HPSE2: variants seen among roughly 807,000 people sequenced by gnomAD.
HPSE2 encodes inactive heparanase-2.
In HPSE2, 38 loss-of-function variants were observed where a neutral mutation model predicts 60.5. The observed-to-expected ratio is 0.63, with a 90% CI of 0.48 to 0.82. The LOEUF (loss-of-function observed/expected upper bound fraction) is 0.82, where lower values mean the gene tolerates loss of function less well. Among genes scored for constraint, HPSE2 ranks in the 40% least tolerant of loss-of-function variants. HPSE2 has a pLI of 0.00. For missense variants in HPSE2, 713 were observed against 740.4 expected (o/e 0.96, Z 0.43); for synonymous variants, 295 against 293.2 (o/e 1.01, Z -0.06).
intron 9 of HPSE2, among the ~76,000 whole-genome samples, chr10:98,554,163 A>G (rs554410524): frequency 1.3e-5 from 2 of 152,242 alleles, no homozygotes; most frequent in South Asian, 4.2e-4. Context: ...CCTGTCCTCC[A>G]AGCCTTACCT....
chr10:98,706,771 G>A (rs923840291), intron 5 of HPSE2, among the ~76,000 whole-genome samples: 2 of 152,124 alleles, frequency 1.3e-5, no homozygotes, highest in Non-Finnish European at 2.9e-5. Context: ...AACAAGTAAG[G>A]GAATGGCAGG....
At chr10:98,606,101 G>A (rs963917672) in intron 9 of HPSE2, among the ~76,000 whole-genome samples, 2 of 152,122 alleles carry the variant, frequency 1.3e-5, no homozygotes, top group Non-Finnish European at 2.9e-5. Flanking sequence ...CCTCCAGTGA[G>A]GACAGGGATC....
chr10:99,073,392 A>G (rs891554170), intron 3 of HPSE2, among the ~76,000 whole-genome samples: 8 of 152,010 alleles, frequency 5.3e-5, no homozygotes, highest in African/African-American at 1.5e-4. Flanking sequence ...ACCAAGCACC[A>G]CATGTTCTCA....
intron 3 of HPSE2, among the ~76,000 whole-genome samples, chr10:98,950,193 G>C (rs1228096907): frequency 6.6e-6 from 1 of 152,144 alleles, no homozygotes; most frequent in Non-Finnish European, 1.5e-5. Flanking sequence ...CAGCAAGAAA[G>C]AGAAAGTCCT....
At chr10:98,741,819 T>C (rs967696906) in intron 4 of HPSE2, among the ~76,000 whole-genome samples, 1 of 152,190 alleles carries the variant, frequency 6.6e-6, no homozygotes, top group Admixed American at 6.5e-5. Flanking sequence ...TACTCACCTC[T>C]TTTAACCATT....
intron 9 of HPSE2, among the ~76,000 whole-genome samples, chr10:98,547,903 T>G (rs577886070): frequency 6.6e-6 from 1 of 152,266 alleles, no homozygotes; most frequent in South Asian, 2.1e-4. Context: ...AAACATTCAT[T>G]TAAATTCAGA....
chr10:98,924,554 C>T (rs1427341411), intron 3 of HPSE2: 4 of 152,180 alleles, frequency 2.6e-5, no homozygotes, highest in African/African-American at 9.7e-5. Context: ...CAAAGTCCCT[C>T]CTATTCTTCC....
intron 3 of HPSE2, among the ~76,000 whole-genome samples, chr10:98,775,925 T>C (rs1183764386): frequency 6.6e-6 from 1 of 152,186 alleles, no homozygotes; most frequent in East Asian, 1.9e-4. Flanking sequence ...AACCTGGAAA[T>C]TGTCCTAGGT....
chr10:98,548,543 G>A (rs2133846570), intron 9 of HPSE2, among the ~76,000 whole-genome samples: 1 of 152,154 alleles, frequency 6.6e-6, no homozygotes, highest in African/African-American at 2.4e-5. Flanking sequence ...CTTGAACCTG[G>A]GAGAGAGAGG....
At chr10:99,187,308 A>G (rs1053821315) in intron 2 of HPSE2, among the ~76,000 whole-genome samples, 2 of 152,206 alleles carry the variant, frequency 1.3e-5, no homozygotes, top group Non-Finnish European at 2.9e-5. Flanking sequence ...TGCATGAAGC[A>G]GTATAATTTT....
chr10:99,001,884 T>C (rs1326264356), intron 3 of HPSE2, among the ~76,000 whole-genome samples: 2 of 152,150 alleles, frequency 1.3e-5, no homozygotes, highest in Non-Finnish European at 2.9e-5. Context: ...TTTTTTTTTC[T>C]GTAACAGGTC....
chr10:98,650,062 G>T (rs1946876474), intron 6 of HPSE2, among the ~76,000 whole-genome samples: 1 of 152,212 alleles, frequency 6.6e-6, no homozygotes, highest in African/African-American at 2.4e-5. Flanking sequence ...CCTCTTACAT[G>T]GTAGAGGCAG....
rs1055745668 is a variant in HPSE2, at chr10:98,669,204, G to T, written c.1004+24696C>A. ...ATAAGATGCCATCTCATATCAGTCA[G>T]AATGGTGATTATTAAAAAGTGAAAA... On this transcript the variant is annotated intron_variant, in intron 6 of 11. Transcript: ENST00000370552. 3.9e-5 allele frequency among the ~76,000 whole-genome samples: 6 copies of T among 152,200 alleles called. No homozygotes were observed. In the South Asian group the frequency reaches 1.2e-3, roughly 31 times the overall value.
intron 2 of HPSE2, among the ~76,000 whole-genome samples, chr10:99,205,359 C>T (rs1380788885): frequency 2.0e-5 from 3 of 152,066 alleles, no homozygotes; most frequent in African/African-American, 4.8e-5. Flanking sequence ...GAGGCTGAGG[C>T]GAGTGGATCA....
chr10:98,919,710 G>GA (rs1268209039), intron 3 of HPSE2, among the ~76,000 whole-genome samples: 1 of 152,176 alleles, frequency 6.6e-6, no homozygotes, highest in Non-Finnish European at 1.5e-5. Flanking sequence ...GAAGCATTTA[G>GA]AAAAAATATT....
intron 4 of HPSE2, among the ~76,000 whole-genome samples, chr10:98,739,556 A>C (rs1949444375): frequency 6.6e-6 from 1 of 152,188 alleles, no homozygotes; most frequent in Admixed American, 6.6e-5. Flanking sequence ...GGAATGCATT[A>C]ATCAAGCTGT....
chr10:99,189,778 G>C (rs1358013463), intron 2 of HPSE2, among the ~76,000 whole-genome samples: 3 of 152,132 alleles, frequency 2.0e-5, no homozygotes, highest in South Asian at 4.1e-4. Flanking sequence ...TGGGTCTAAA[G>C]GGAACAGTGC....
chr10:98,617,920 A>G (rs571354991), intron 8 of HPSE2, among the ~76,000 whole-genome samples: 3 of 152,326 alleles, frequency 2.0e-5, no homozygotes, highest in African/African-American at 7.2e-5. Context: ...ACGTGCATGT[A>G]TATGTCCTGG....
chr10:99,236,357 C>G (rs924439096), upstream of HPSE2, among the ~76,000 whole-genome samples: 1 of 152,004 alleles, frequency 6.6e-6, no homozygotes, highest in Non-Finnish European at 1.5e-5. Context: ...AGCTCCGACT[C>G]CGACCCGAAA....
Sources: gnomAD v4.1 joint callset for allele counts (sites outside exome capture counted in the v4.1 genomes callset) on GRCh38, gnomAD v4.1.1 for gene constraint, MANE v1.5 for transcripts, NCBI Gene and HGNC (gene_info 2026-07-23, HGNC 2026-07-21) for gene names.